TUT4: variants seen among roughly 807,000 people sequenced by gnomAD.
The protein encoded by TUT4 is terminal uridylyltransferase 4.
TUT4 carries 36 observed loss-of-function variants against 192.2 expected under a neutral mutation model. The ratio of observed to expected loss-of-function variants is 0.19; its 90% CI spans 0.14 to 0.25. The LOEUF is 0.25. TUT4 is among the 10% of genes least tolerant of loss of function. The probability of loss-of-function intolerance (pLI) is 1.00; values close to 1 mark genes in which losing one functional copy is unlikely to be tolerated. For synonymous variants in TUT4, 618 were observed against 666.0 expected, an observed-to-expected ratio of 0.93 and a Z score of 1.11; for missense variants, 1,493 against 1,957.2, an observed-to-expected ratio of 0.76 and a Z score of 4.47.
intron 24 of TUT4, among the ~76,000 whole-genome samples, chr1:52,439,068 TAAA>T (rs984014427): frequency 5.0e-5 from 4 of 79,322 alleles, no homozygotes; most frequent in South Asian, 4.7e-4. Flanking sequence ...AGACTCCATC[TAAA>T]AAAAAAAAAA....
At chr1:52,488,342 A>C (rs892555881) in intron 9 of TUT4, among the ~76,000 whole-genome samples, 1 of 152,228 alleles carries the variant, frequency 6.6e-6, no homozygotes, top group Non-Finnish European at 1.5e-5. Flanking sequence ...ATTTGGACTG[A>C]TATTGATAAT....
chr1:52,431,605 C>T, intron 27 of TUT4, 145 bp from the exon 28 acceptor site: 1 of 613,138 alleles, frequency 1.6e-6, no homozygotes, highest in Non-Finnish European at 2.4e-6. Context: ...TCCCAAGGTA[C>T]TCAAACCCCC....
At chr1:52,454,053 A>G (rs1056527147) in intron 20 of TUT4, among the ~76,000 whole-genome samples, 8 of 152,258 alleles carry the variant, frequency 5.3e-5, no homozygotes, top group Non-Finnish European at 1.0e-4. Context: ...GGAAAACTAC[A>G]AAACTCTGAT....
intron 20 of TUT4, 60 bp downstream of exon 20, chr1:52,458,276 C>G: frequency 1.6e-6 from 2 of 1,269,356 alleles, no homozygotes; most frequent in Non-Finnish European, 2.2e-6. Flanking sequence ...AGCAAAATCT[C>G]CTGTGTTTAG....
intron 9 of TUT4, among the ~76,000 whole-genome samples, chr1:52,484,753 CTT>C (rs1188893769): frequency 6.6e-6 from 1 of 152,148 alleles, no homozygotes; most frequent in Non-Finnish European, 1.5e-5. Flanking sequence ...ATAGCATACT[CTT>C]GATTAAAGCA....
rs1417119389 is a variant in TUT4, at chr1:52,461,494, C to T, written c.3231+19G>A. 6.3e-7 allele frequency: 1 copy of T among 1,593,500 alleles called. No individual in the cohort carries two copies. The highest frequency in any genetic ancestry group is 1.7e-5 in the Admixed American group (1 of 58,616). ...TTTAAAATGAAAAGTATATACATGG[C>T]CTATAAAGATAAACTTACCAACGTA... On this transcript the variant is annotated intron_variant, in intron 18 of 29. Coordinates refer to ENST00000257177, the MANE Select transcript of TUT4 (RefSeq NM_001009881.3).
chr1:52,442,183 A>AAAAAG (rs1655835638), intron 24 of TUT4, among the ~76,000 whole-genome samples: 1 of 150,006 alleles, frequency 6.7e-6, no homozygotes, highest in Non-Finnish European at 1.5e-5. Flanking sequence ...AAAAAAAAAA[A>AAAAAG]GCCAAAGTGT....
intron 1 of TUT4, among the ~76,000 whole-genome samples, chr1:52,532,039 T>C (rs1292062725): frequency 6.6e-6 from 1 of 151,672 alleles, no homozygotes; most frequent in Non-Finnish European, 1.5e-5. Flanking sequence ...AAGCGTGTGC[T>C]ACCACGCCCA....
At chr1:52,534,178 T>C (rs1166451187) in intron 1 of TUT4, among the ~76,000 whole-genome samples, 3 of 151,988 alleles carry the variant, frequency 2.0e-5, no homozygotes, top group African/African-American at 7.3e-5. Flanking sequence ...TCCCCTCTCC[T>C]TCCCATTCTG....
chr1:52,431,581 A>G (rs1272695222), intron 27 of TUT4, 121 bp from the exon 28 acceptor site: 3 of 788,108 alleles, frequency 3.8e-6, no homozygotes, highest in Middle Eastern at 4.1e-4. Flanking sequence ...ATATCATAAC[A>G]AATAATTAGT....
chr1:52,514,535 C>G (rs77054309), intron 3 of TUT4, among the ~76,000 whole-genome samples: 3,329 of 152,246 alleles, frequency 0.022, 115 homozygotes, highest in African/African-American at 0.072. Flanking sequence ...AACCCAAACT[C>G]TCTCCTGTAT....
chr1:52,454,154 C>T (rs1660209692), intron 20 of TUT4, among the ~76,000 whole-genome samples: 1 of 152,198 alleles, frequency 6.6e-6, no homozygotes, highest in South Asian at 2.1e-4. Context: ...TTCTTCCCTA[C>T]TTGGTCTCCA....
intron 3 of TUT4, among the ~76,000 whole-genome samples, chr1:52,510,888 C>A (rs1015579928): frequency 3.9e-4 from 60 of 152,272 alleles, no homozygotes; most frequent in Non-Finnish European, 5.6e-4. Flanking sequence ...CAACATTCTA[C>A]GCAGATTACA....
chr1:52,544,137 CTT>C (rs1299295512), intron 1 of TUT4, among the ~76,000 whole-genome samples: 2 of 151,684 alleles, frequency 1.3e-5, no homozygotes, highest in Non-Finnish European at 2.9e-5. Context: ...AATACAAAAA[CTT>C]AGCCGGGTGT....
chr1:52,512,825 AAGTCTAC>A (rs2149335646), intron 3 of TUT4, among the ~76,000 whole-genome samples: 1 of 152,304 alleles, frequency 6.6e-6, no homozygotes, highest in East Asian at 1.9e-4. Flanking sequence ...TACAGAGCAA[AAGTCTAC>A]AGTCTACATC....
intron 15 of TUT4, among the ~76,000 whole-genome samples, chr1:52,466,682 A>ATATTTTTTTTTTTT (rs372853314): frequency 8.1e-6 from 1 of 123,844 alleles, no homozygotes; most frequent in African/African-American, 3.2e-5. Flanking sequence ...ATATATATAT[A>ATATTTTTTTTTTTT]TTTTTGAGAC....
At chr1:52,463,692 T>C (rs1296115062) in intron 16 of TUT4, 10 of 1,304,282 alleles carry the variant, frequency 7.7e-6, no homozygotes, top group Non-Finnish European at 1.0e-5. Flanking sequence ...CTAGTTGCTG[T>C]TGAGAAGGCC....
At chr1:52,481,954 A>T (rs779023730) in intron 9 of TUT4, 31 bp from the exon 10 acceptor site, 2 of 1,439,964 alleles carry the variant, frequency 1.4e-6, no homozygotes, top group Non-Finnish European at 9.1e-7. Context: ...AAGTACTACC[A>T]TTTAGCTTTC....
chr1:52,520,237 G>A (rs1278574510), intron 2 of TUT4, among the ~76,000 whole-genome samples: 1 of 152,212 alleles, frequency 6.6e-6, no homozygotes, highest in Non-Finnish European at 1.5e-5. Context: ...GTCACAGATC[G>A]TGTAAGGCTC....
Sources: allele counts gnomAD v4.1 joint callset (sites outside exome capture counted in the v4.1 genomes callset), GRCh38; gene constraint gnomAD v4.1.1; transcripts MANE v1.5; gene names NCBI Gene and HGNC (gene_info 2026-07-23, HGNC 2026-07-21).